Variants in EPHA3 observed in about 807,000 individuals in gnomAD.
EPHA3 encodes EPH receptor A3.
EPHA3 carries 42 observed loss-of-function variants against 107.1 expected under a neutral mutation model. The ratio of observed to expected loss-of-function variants is 0.39; its 90% CI spans 0.31 to 0.51. The LOEUF (loss-of-function observed/expected upper bound fraction) is 0.51. Among genes scored for constraint, EPHA3 ranks in the 20% least tolerant of loss-of-function variants. The pLI is 0.78. For synonymous variants in EPHA3, 461 were observed against 424.8 expected (o/e 1.09, Z -1.05); for missense variants, 1,183 against 1,211.2 (o/e 0.98, Z 0.35).
chr3:89,282,203 A>G (rs1051562871), intron 3 of EPHA3, among the ~76,000 whole-genome samples: 13 of 152,286 alleles, frequency 8.5e-5, no homozygotes, highest in African/African-American at 2.9e-4. Context: ...ACCACAAAGT[A>G]TCCAACTAAT....
At chr3:89,430,430 A>G (rs1709543698) in intron 12 of EPHA3, among the ~76,000 whole-genome samples, 1 of 152,148 alleles carries the variant, frequency 6.6e-6, no homozygotes, top group African/African-American at 2.4e-5. Context: ...TCAAAAATAA[A>G]CATTTCCAAA....
At chr3:89,304,335 T>A (rs888957287) in intron 3 of EPHA3, among the ~76,000 whole-genome samples, 2 of 152,114 alleles carry the variant, frequency 1.3e-5, no homozygotes, top group Non-Finnish European at 2.9e-5. Flanking sequence ...AATTAGTCAA[T>A]TGTTGTTTCT....
chr3:89,462,225 C>T (rs1710248793), intron 15 of EPHA3, among the ~76,000 whole-genome samples: 1 of 41,348 alleles, frequency 2.4e-5, no homozygotes, highest in Non-Finnish European at 4.2e-5. Flanking sequence ...GTTTTGGTTA[C>T]TGTAGCCTTG....
intron 3 of EPHA3, among the ~76,000 whole-genome samples, chr3:89,248,416 C>T (rs1312586602): frequency 1.3e-5 from 2 of 152,152 alleles, no homozygotes; most frequent in Admixed American, 6.5e-5. Context: ...TTGGGTCAAC[C>T]TAGCTATTTT....
intron 10 of EPHA3, among the ~76,000 whole-genome samples, chr3:89,414,456 C>G (rs1020765003): frequency 6.6e-6 from 1 of 151,612 alleles, no homozygotes; most frequent in Non-Finnish European, 1.5e-5. Flanking sequence ...AGTGCCAAAA[C>G]AGATATATAT....
intron 2 of EPHA3, among the ~76,000 whole-genome samples, chr3:89,156,915 G>A (rs1704820363): frequency 6.6e-6 from 1 of 151,438 alleles, no homozygotes; most frequent in South Asian, 2.1e-4. Flanking sequence ...ACTAAGGGCA[G>A]CCAGATGGCC....
intron 2 of EPHA3, among the ~76,000 whole-genome samples, chr3:89,157,681 A>T (rs1204154042): frequency 6.6e-6 from 1 of 151,970 alleles, no homozygotes; most frequent in Admixed American, 6.6e-5. Flanking sequence ...CGGGCTGATG[A>T]TGTATGTATA....
At chr3:89,133,849 C>T (rs1704255630) in intron 2 of EPHA3, among the ~76,000 whole-genome samples, 2 of 151,972 alleles carry the variant, frequency 1.3e-5, no homozygotes, top group Admixed American at 6.6e-5. Flanking sequence ...AAACAGTGAC[C>T]ACGGCTTTTT....
intron 6 of EPHA3, among the ~76,000 whole-genome samples, chr3:89,399,041 A>C (rs1449781504): frequency 6.6e-6 from 1 of 152,054 alleles, no homozygotes; most frequent in African/African-American, 2.4e-5. Flanking sequence ...GAGGCAGGAA[A>C]ATCGTTTGAA....
At chr3:89,174,560 A>G (rs1309786749) in intron 2 of EPHA3, among the ~76,000 whole-genome samples, 1 of 151,428 alleles carries the variant, frequency 6.6e-6, no homozygotes, top group East Asian at 1.9e-4. Context: ...TGCAGAGAGT[A>G]TATTTACCCT....
At position 89,423,218 on chromosome 3, in the gene EPHA3, G is replaced by A. The variant is rs374179755; in HGVS notation, c.2074+3828G>A. 1.8e-4 allele frequency among the ~76,000 whole-genome samples: 27 copies of A among 151,398 alleles called. No homozygotes were observed. In the South Asian group the frequency reaches 5.2e-3, roughly 29 times the overall value. On this transcript the variant is annotated intron_variant, in intron 11 of 16. Coordinates refer to ENST00000336596, the MANE Select transcript of EPHA3 (RefSeq NM_005233.6). The stretch of plus-strand genomic sequence containing the variant: ...TACCATGTAACTTAAGTGTAACTTT[G>A]CATTATTGAGGAATGTCATGGGCAG...
At chr3:89,145,799 A>G (rs1027826679) in intron 2 of EPHA3, among the ~76,000 whole-genome samples, 1 of 151,436 alleles carries the variant, frequency 6.6e-6, no homozygotes, top group Non-Finnish European at 1.5e-5. Context: ...TCGATTTCTC[A>G]CTCTCCATTT....
chr3:89,140,814 T>G (rs1378814621), intron 2 of EPHA3, among the ~76,000 whole-genome samples: 1 of 151,728 alleles, frequency 6.6e-6, no homozygotes, highest in Admixed American at 6.6e-5. Flanking sequence ...GAATCTTTAG[T>G]ACACTGAAAT....
chr3:89,435,476 T>A (rs925853005), intron 13 of EPHA3, among the ~76,000 whole-genome samples: 6 of 145,300 alleles, frequency 4.1e-5, no homozygotes, highest in Non-Finnish European at 7.5e-5. Flanking sequence ...TTTATATATA[T>A]AAATAATATA....
chr3:89,176,555 C>T (rs1705324792), intron 2 of EPHA3, among the ~76,000 whole-genome samples: 1 of 151,250 alleles, frequency 6.6e-6, no homozygotes, highest in Admixed American at 6.6e-5. Context: ...TATTCTTACA[C>T]CAGTTACTTA....
chr3:89,472,391 A>T, intron 15 of EPHA3, 73 bp from the exon 16 acceptor site: 1 of 1,458,576 alleles, frequency 6.9e-7, no homozygotes, highest in Non-Finnish European at 9.4e-7. Flanking sequence ...TGCCGATGTT[A>T]GTGTCAAATT....
intron 15 of EPHA3, among the ~76,000 whole-genome samples, chr3:89,471,226 C>T (rs1238878985): frequency 6.6e-6 from 1 of 151,268 alleles, no homozygotes; most frequent in Non-Finnish European, 1.5e-5. Flanking sequence ...GCTTCTTTTG[C>T]CTCTTCAGGG....
chr3:89,147,623 C>A lies in EPHA3; in HGVS notation c.153+20350C>A, dbSNP rs145139118. 1.1e-4 allele frequency among the ~76,000 whole-genome samples: 17 copies of A among 151,958 alleles called. No individual in the cohort carries two copies. The East Asian group carries it at 3.3e-3, about 30-fold the overall frequency. On this transcript the variant is annotated intron_variant, in intron 2 of 16. Coordinates refer to ENST00000336596, the MANE Select transcript of EPHA3 (RefSeq NM_005233.6). ...TTGACCGCAATCAGTTCAATACTGT[C>A]TAGGATTTCAGGCATCCACTGGGGG...
chr3:89,307,636 C>T (rs990257812), intron 3 of EPHA3, among the ~76,000 whole-genome samples: 5 of 152,122 alleles, frequency 3.3e-5, no homozygotes, highest in Non-Finnish European at 5.9e-5. Context: ...AATCACAGCT[C>T]ACTGCAGCCT....
Sources: allele counts gnomAD v4.1 joint callset (sites outside exome capture counted in the v4.1 genomes callset), GRCh38; gene constraint gnomAD v4.1.1; transcripts MANE v1.5; gene names NCBI Gene and HGNC (gene_info 2026-07-23, HGNC 2026-07-21).